PSME4: variants seen among roughly 807,000 people sequenced by gnomAD.
The protein encoded by PSME4 is proteasome activator subunit 4, also known as proteasome activator complex subunit 4.
Under a neutral mutation model 253.9 loss-of-function variants are expected in PSME4, and 89 were observed. That is an observed-to-expected ratio of 0.35 (90% confidence interval 0.30 to 0.42). The LOEUF (loss-of-function observed/expected upper bound fraction) is 0.42. Ranked by LOEUF, PSME4 falls within the 10% of genes least tolerant of loss-of-function variation. The pLI is 1.00. For missense variants in PSME4, 2,014 were observed against 2,195.2 expected (o/e 0.92, Z 1.65); for synonymous variants, 851 against 759.2 (o/e 1.12, Z -1.99).
At chr2:53,937,853 G>C (rs1055716749) in intron 4 of PSME4, among the ~76,000 whole-genome samples, 3 of 152,110 alleles carry the variant, frequency 2.0e-5, no homozygotes, top group Admixed American at 2.0e-4. Flanking sequence ...TGCCAGACAT[G>C]ATGGCGGCGC....
chr2:53,900,049 T>TG (rs1558664393), intron 28 of PSME4, 32 bp from the exon 29 acceptor site: 2 of 1,598,178 alleles, frequency 1.3e-6, no homozygotes, highest in Non-Finnish European at 8.5e-7. Flanking sequence ...GGAAAAAAAA[T>TG]GAAGTTCTGA....
In PSME4 at chr2:53,893,690, C is replaced by T. The variant is rs201669390; in HGVS notation, c.4022G>A (p.Arg1341His). ...RKGKDKFNPR[R>H]FCLFKGIFRN... ...TATAGTTACCTTAAAGAGGCAAAAA[C>T]GTCGTGGATTAAACTTATCTTTTCC... Residue 1341 changes from arginine (R) to histidine (H), a missense_variant, in exon 35 of 47, where the codon CGT (arginine) becomes CAT (histidine). Coordinates refer to ENST00000404125, the MANE Select transcript of PSME4 (RefSeq NM_014614.3). The T allele has an allele frequency of 2.9e-4, 465 of 1,609,624 alleles. No homozygotes were observed. The highest frequency in any genetic ancestry group is 3.6e-4 in the Non-Finnish European group (420 of 1,177,838).
At chr2:53,912,860 C>T (rs1318948193) in intron 20 of PSME4, among the ~76,000 whole-genome samples, 3 of 152,180 alleles carry the variant, frequency 2.0e-5, no homozygotes, top group Non-Finnish European at 4.4e-5. Context: ...CATTATAGAT[C>T]TCATTGTGCC....
intron 35 of PSME4, among the ~76,000 whole-genome samples, chr2:53,893,286 C>A (rs950007813): frequency 6.6e-6 from 1 of 151,974 alleles, no homozygotes; most frequent in Non-Finnish European, 1.5e-5. Context: ...AAGATAAATA[C>A]AGTCATCCCT....
intron 19 of PSME4, among the ~76,000 whole-genome samples, chr2:53,919,813 A>G (rs948671573): frequency 6.7e-6 from 1 of 150,252 alleles, no homozygotes. Context: ...CCTGTGGGAG[A>G]GGGAAAAAAA....
At chr2:53,898,021 A>C (rs1680221062) in intron 30 of PSME4, 22 bp from the exon 31 acceptor site, 2 of 1,607,662 alleles carry the variant, frequency 1.2e-6, no homozygotes, top group Admixed American at 3.4e-5. Context: ...GAAAAATAAC[A>C]AAGCATATCA....
intron 41 of PSME4, among the ~76,000 whole-genome samples, chr2:53,884,894 T>C (rs1679565811): frequency 6.6e-6 from 1 of 152,236 alleles, no homozygotes; most frequent in Admixed American, 6.5e-5. Flanking sequence ...AAGTTACTGG[T>C]ACAGTTAACT....
intron 1 of PSME4, among the ~76,000 whole-genome samples, chr2:53,968,457 C>T (rs967094217): frequency 6.6e-6 from 1 of 152,074 alleles, no homozygotes; most frequent in Non-Finnish European, 1.5e-5. Flanking sequence ...GCTTTCGTCA[C>T]ACGTTTTGGC....
rs1443150673 is a variant in PSME4 at position 53,903,945 on chromosome 2, T to G, written c.3075+80A>C. ...CAGAATCTCAGTGGTGAAGAAGATA[T>G]GGATGTTTACCGTAGAATTTTTTCA... is the stretch of plus-strand genomic sequence containing the variant. On this transcript the variant is annotated intron_variant, in intron 27 of 46. Transcript: ENST00000404125. The G allele has an allele frequency of 4.3e-6, 5 of 1,166,474 alleles. No individual in the cohort carries two copies. In the South Asian group the frequency reaches 6.4e-5, roughly 15 times the overall value. 72.3% of individuals were successfully genotyped at this position (1,166,474 alleles called of 1,614,324 possible).
intron 3 of PSME4, among the ~76,000 whole-genome samples, chr2:53,944,281 C>G (rs1669598883): frequency 6.6e-6 from 1 of 152,038 alleles, no homozygotes; most frequent in Non-Finnish European, 1.5e-5. Context: ...GCCTCAGCCT[C>G]CTGGGTAGCT....
At chr2:53,880,683 T>C (rs1679341378) in intron 41 of PSME4, among the ~76,000 whole-genome samples, 2 of 152,202 alleles carry the variant, frequency 1.3e-5, no homozygotes, top group African/African-American at 4.8e-5. Flanking sequence ...TTGTTATTCA[T>C]AAAACAATTT....
At chr2:53,946,781 G>A (rs1247400432) in intron 3 of PSME4, among the ~76,000 whole-genome samples, 1 of 152,078 alleles carries the variant, frequency 6.6e-6, no homozygotes, top group Non-Finnish European at 1.5e-5. Flanking sequence ...AGGCATGGTG[G>A]CACACGCCTG....
chr2:53,912,496 C>T (rs1368387111), intron 20 of PSME4, among the ~76,000 whole-genome samples: 2 of 152,192 alleles, frequency 1.3e-5, no homozygotes, highest in African/African-American at 4.8e-5. Flanking sequence ...CTCCCTCTGC[C>T]ACCCAGGCTG....
Position 53,900,012 on chromosome 2 carries a change from T to G in PSME4, c.3291A>C (p.Pro1097=), listed in dbSNP as rs769803401. 3.1e-6 allele frequency: 5 copies of G among 1,610,292 alleles called. No individual in the cohort carries two copies. The African/African-American group carries it at 6.7e-5, about 22-fold the overall frequency. Residue 1097 remains proline, a synonymous_variant, in exon 29 of 47, where the codon CCA becomes CCC. Coordinates refer to ENST00000404125, the MANE Select transcript of PSME4 (RefSeq NM_014614.3). ...ATTCCGCTATTTCAACACATGACTT[T>G]GGAATCTTGTTAAAAAGAAAAAAGC... ...YETIGLDFTI[P]KSCVEIAELL...
chr2:53,928,089 C>T (rs781284984), intron 11 of PSME4, 28 bp downstream of exon 11: 8 of 1,549,512 alleles, frequency 5.2e-6, no homozygotes, highest in East Asian at 2.3e-5. Flanking sequence ...TACCTAAATA[C>T]GGAGTGTATA....
rs1422530392 is a variant in PSME4 at position 53,919,195 on chromosome 2, A to C, written c.2472T>G (p.Ser824=). ...CTTTCAACGGAGGTAGGAGGTTTCC[A>C]GAGCCAATTAAACAGTTGTGCACTA... ...LTIVHNCLIG[S]GNLLPPLKGE... Residue 824 remains serine (S), a synonymous_variant, in exon 20 of 47, where the codon TCT becomes TCG. Coordinates refer to ENST00000404125, the MANE Select transcript of PSME4 (RefSeq NM_014614.3). 6.2e-7 allele frequency: 1 copy of C among 1,612,464 alleles called. No homozygotes were observed. Among genetic ancestry groups the C allele is most frequent in the Non-Finnish European group, 8.5e-7 (1 of 1,179,424 alleles).
At chr2:53,899,362 G>A (rs368732646) in intron 29 of PSME4, among the ~76,000 whole-genome samples, 12 of 151,876 alleles carry the variant, frequency 7.9e-5, no homozygotes, top group African/African-American at 2.2e-4. Flanking sequence ...CACCGTGCTC[G>A]GCCTTATTTT....
intron 41 of PSME4, among the ~76,000 whole-genome samples, chr2:53,876,713 A>ATTTTTTTTTTTTTTTTTTTTTTT: frequency 2.6e-5 from 2 of 77,198 alleles, no homozygotes; most frequent in Non-Finnish European, 5.2e-5. Context: ...AGCCACTGTC[A>ATTTTTTTTTTTTTTTTTTTTTTT]TTCTTTTTTT....
intron 41 of PSME4, among the ~76,000 whole-genome samples, chr2:53,884,203 C>T (rs567713070): frequency 1.3e-5 from 2 of 151,918 alleles, no homozygotes; most frequent in Non-Finnish European, 2.9e-5. Flanking sequence ...TTATATCGTA[C>T]AGCTTTCTTT....
Sources: gnomAD v4.1 joint callset for allele counts (sites outside exome capture counted in the v4.1 genomes callset) on GRCh38, gnomAD v4.1.1 for gene constraint, MANE v1.5 for transcripts, NCBI Gene and HGNC (gene_info 2026-07-23, HGNC 2026-07-21) for gene names.